Variants in PARP4 observed in about 807,000 individuals in gnomAD.
The protein encoded by PARP4 is protein mono-ADP-ribosyltransferase PARP4.
In PARP4, 120 loss-of-function variants were observed where a neutral mutation model predicts 187.7. The observed-to-expected ratio is 0.64, with a 90% CI of 0.55 to 0.74. The LOEUF (loss-of-function observed/expected upper bound fraction) is 0.74. Ranked by LOEUF, PARP4 falls within the 30% of genes least tolerant of loss-of-function variation. PARP4 has a pLI of 0.00. For missense variants in PARP4, 1,836 were observed against 2,070.5 expected (o/e 0.89, Z 2.20); for synonymous variants, 654 against 740.9 (o/e 0.88, Z 1.90).
intron 1 of PARP4, among the ~76,000 whole-genome samples, chr13:24,507,485 C>T (rs976596257): frequency 3.3e-5 from 5 of 152,200 alleles, no homozygotes; most frequent in African/African-American, 9.7e-5. Context: ...TCCCTCTCCC[C>T]CTTGGCTGGA....
intron 15 of PARP4, 66 bp downstream of exon 15, chr13:24,475,406 A>C: frequency 1.4e-6 from 2 of 1,427,246 alleles, no homozygotes; most frequent in South Asian, 1.2e-5. Context: ...ATGCAACTGC[A>C]ATCAAATTCT....
In PARP4 at chr13:24,477,239, G is replaced by C. The variant is rs183254924; in HGVS notation, c.1789+462C>G. ...TCATATCTGTAATCCCAGCATTTTGGGATACCAAGGCAGGAGGATCGCTTA... is the reference window on the plus strand; with the variant it reads ...TCATATCTGTAATCCCAGCATTTTGCGATACCAAGGCAGGAGGATCGCTTA... On this transcript the variant is annotated intron_variant, in intron 14 of 33. Transcript: ENST00000381989. Among the ~76,000 whole-genome samples the C allele has an allele frequency of 2.0e-5, 3 of 152,228 alleles. No individual in the cohort carries two copies. The East Asian group carries it at 5.8e-4, about 29-fold the overall frequency.
At chr13:24,467,576 ACAGGTATGAGC>A (rs1298478160) in intron 17 of PARP4, among the ~76,000 whole-genome samples, 1 of 152,186 alleles carries the variant, frequency 6.6e-6, no homozygotes, top group East Asian at 1.9e-4. Flanking sequence ...TGCTGGGATT[ACAGGTATGAGC>A]CACTGCACCT....
intron 17 of PARP4, among the ~76,000 whole-genome samples, chr13:24,465,647 G>A (rs1458262974): frequency 6.6e-6 from 1 of 152,156 alleles, no homozygotes; most frequent in African/African-American, 2.4e-5. Context: ...AGAGCATCAG[G>A]ATAAATAGCT....
intron 10 of PARP4, 102 bp downstream of exon 10, chr13:24,490,566 G>T (rs1593643716): frequency 5.4e-6 from 5 of 918,462 alleles, no homozygotes; most frequent in East Asian, 4.9e-5. Context: ...ACTGTGGCTT[G>T]TTGCTGAAGA....
chr13:24,474,098 G>C (rs548636515), intron 15 of PARP4, among the ~76,000 whole-genome samples: 2 of 152,258 alleles, frequency 1.3e-5, no homozygotes, highest in African/African-American at 4.8e-5. Flanking sequence ...CTGCCCTCCT[G>C]TGACTTTGAC....
Position 24,446,696 on chromosome 13 carries a change from C to A in PARP4, c.3351G>T (p.Gln1117His), listed in dbSNP as rs764230122. ...FRTMVSTTEL[Q>H]KTTGTMIHKL... ...TGAATCTTACAGTTCCAGTTGTCTTCTGAAGCTCAGTAGTCGACACCATTG... is the reference window on the plus strand; with the variant it reads ...TGAATCTTACAGTTCCAGTTGTCTTATGAAGCTCAGTAGTCGACACCATTG... Residue 1117 changes from glutamine (Q) to histidine (H), a missense_variant, in exon 27 of 34, where the codon CAG (glutamine) becomes CAT (histidine). Transcript: ENST00000381989. 6 of 1,591,004 alleles carry A rather than the reference C, an allele frequency of 3.8e-6. No individual in the cohort carries two copies. In the Admixed American group the frequency reaches 1.0e-4, roughly 27 times the overall value.
intron 30 of PARP4, among the ~76,000 whole-genome samples, chr13:24,439,914 G>GGA (rs1870831445): frequency 1.3e-5 from 2 of 152,168 alleles, no homozygotes; most frequent in African/African-American, 4.8e-5. Flanking sequence ...CTGGAAGTCC[G>GGA]GACCAGTGTG....
intron 32 of PARP4, among the ~76,000 whole-genome samples, chr13:24,429,660 G>A (rs1266104732): frequency 6.6e-6 from 1 of 152,228 alleles, no homozygotes; most frequent in Non-Finnish European, 1.5e-5. Flanking sequence ...ACTCTGGCCA[G>A]TACTAGGCAG....
intron 20 of PARP4, among the ~76,000 whole-genome samples, chr13:24,457,225 T>C (rs1032464862): frequency 6.6e-6 from 1 of 152,186 alleles, no homozygotes; most frequent in African/African-American, 2.4e-5. Context: ...GTAAATAAGC[T>C]TTACAACAAC....
At chr13:24,452,117 T>A (rs1871551549) in intron 24 of PARP4, 1 of 307,798 alleles carries the variant, frequency 3.2e-6, no homozygotes, top group African/African-American at 2.2e-5. Context: ...TTTCTATGTA[T>A]GAGCTCATTT....
At position 24,442,546 on chromosome 13, in the gene PARP4, A is replaced by G. The variant is rs117285757; in HGVS notation, c.3543+44T>C. 5,355 of 1,163,450 alleles carry G rather than the reference A, an allele frequency of 4.6e-3. 15 individuals are homozygous for G. The highest frequency in any genetic ancestry group is 5.5e-3 in the Non-Finnish European group (4,252 of 773,614). The allele number at this position is 1,163,450 out of a possible 1,614,324, so 72.1% of individuals were successfully genotyped here. On this transcript the variant is annotated intron_variant, in intron 29 of 33. Transcript: ENST00000381989. ...CAAGGGTGACTTTCTTAATGTGGAAATACAAATAAAATAATTTAACCTCGA... is the reference window on the plus strand; with the variant it reads ...CAAGGGTGACTTTCTTAATGTGGAAGTACAAATAAAATAATTTAACCTCGA...
chr13:24,453,446 T>C, intron 23 of PARP4, 141 bp downstream of exon 23: 1 of 480,378 alleles, frequency 2.1e-6, no homozygotes, highest in East Asian at 3.4e-5. Context: ...TTTTAATTAA[T>C]GAAATAAAGA....
chr13:24,492,633 C>A, intron 8 of PARP4, 39 bp from the exon 9 acceptor site: 1 of 1,523,714 alleles, frequency 6.6e-7, no homozygotes, highest in South Asian at 1.2e-5. Context: ...AATGAAATCT[C>A]AATACAGAAA....
At chr13:24,424,972 C>G (rs35924207) in intron 33 of PARP4, among the ~76,000 whole-genome samples, 4 of 151,426 alleles carry the variant, frequency 2.6e-5, no homozygotes, top group African/African-American at 7.3e-5. Context: ...CGTGAGCCAC[C>G]GCGCCCGGCC....
intron 17 of PARP4, among the ~76,000 whole-genome samples, chr13:24,465,011 T>C (rs1439175223): frequency 6.6e-6 from 1 of 152,000 alleles, no homozygotes; most frequent in Admixed American, 6.6e-5. Context: ...AAAGAAGACA[T>C]TTATGTGGCA....
chr13:24,504,704 T>A (rs980935582), intron 1 of PARP4, among the ~76,000 whole-genome samples: 4 of 149,996 alleles, frequency 2.7e-5, no homozygotes, highest in African/African-American at 7.4e-5. Flanking sequence ...TTTTGTAAAA[T>A]TTTTTTTTTG....
intron 8 of PARP4, among the ~76,000 whole-genome samples, chr13:24,492,900 A>G (rs746244721): frequency 2.6e-5 from 4 of 152,226 alleles, no homozygotes; most frequent in Non-Finnish European, 4.4e-5. Flanking sequence ...TGCAACTGTG[A>G]TAGACTTGCT....
chr13:24,508,670 T>C (rs1014229203), intron 1 of PARP4, among the ~76,000 whole-genome samples: 3 of 152,134 alleles, frequency 2.0e-5, no homozygotes, highest in African/African-American at 7.2e-5. Context: ...CCTGCCACCA[T>C]GCCTGGCTAC....
Sources: allele counts gnomAD v4.1 joint callset (sites outside exome capture counted in the v4.1 genomes callset), GRCh38; gene constraint gnomAD v4.1.1; transcripts MANE v1.5; gene names NCBI Gene and HGNC (gene_info 2026-07-23, HGNC 2026-07-21).